IL20RA: variants seen among roughly 807,000 people sequenced by gnomAD.
IL20RA encodes interleukin-20 receptor subunit alpha.
In IL20RA, 29 loss-of-function variants were observed where a neutral mutation model predicts 36.5. That is an observed-to-expected ratio of 0.79 (90% CI 0.59 to 1.08). IL20RA has a LOEUF of 1.08. Among genes scored for constraint, IL20RA ranks in the 50% least tolerant of loss-of-function variants. The probability of loss-of-function intolerance (pLI) is 0.00; values close to 1 mark genes in which losing one functional copy is unlikely to be tolerated. For synonymous variants in IL20RA, 279 were observed against 267.1 expected (o/e 1.04, Z -0.43); for missense variants, 652 against 668.4 (o/e 0.98, Z 0.27).
Position 137,033,339 on chromosome 6 carries a change from T to TA in IL20RA, c.88+11301dup, listed in dbSNP as rs552238088. On this transcript the variant is annotated intron_variant, in intron 1 of 6. Transcript: ENST00000316649. Reference sequence around the variant, plus strand: ...CTGGGATGATTTCATCATGAAATCTTATATAGTTTGGATATGTGTCCTTGC... The same window carrying TA: ...CTGGGATGATTTCATCATGAAATCTTAATATAGTTTGGATATGTGTCCTTGC... Among the ~76,000 whole-genome samples, 131 of 152,336 alleles carry TA rather than the reference T, an allele frequency of 8.6e-4. 3 individuals carry two copies. The highest frequency in any genetic ancestry group is 8.1e-3 in the Admixed American group (124 of 15,294).
intron 6 of IL20RA, among the ~76,000 whole-genome samples, chr6:137,004,174 T>TTTTTTG (rs1775190219): frequency 1.6e-5 from 2 of 124,450 alleles, no homozygotes; most frequent in African/African-American, 3.1e-5. Context: ...TTTTTTTTTT[T>TTTTTTG]TTTTTTTTTT....
intron 2 of IL20RA, 132 bp from the exon 3 acceptor site, chr6:137,011,584 A>G: frequency 1.7e-6 from 1 of 576,342 alleles, no homozygotes. Context: ...TGTCATTGAG[A>G]TAAAAAAGAA....
At chr6:137,034,711 C>CG (rs1345276573) in intron 1 of IL20RA, among the ~76,000 whole-genome samples, 1 of 151,898 alleles carries the variant, frequency 6.6e-6, no homozygotes, top group African/African-American at 2.4e-5. Flanking sequence ...GAGGCCAAGG[C>CG]GGGCAGATCA....
chr6:137,007,003 C>T lies in IL20RA; in HGVS notation c.724+1596G>A, dbSNP rs560141370. On this transcript the variant is annotated intron_variant, in intron 5 of 6. Transcript: ENST00000316649. ...CCTCCCAAAGTGCTGTTATTATAGG[C>T]GTGATCCATTGCACTTGGCCACTTT... Among the ~76,000 whole-genome samples the T allele has an allele frequency of 1.8e-4, 28 of 152,266 alleles. No homozygotes were observed. The South Asian group carries it at 5.2e-3, about 28-fold the overall frequency.
rs746605298 is a variant in IL20RA, at chr6:137,002,365, GAA to G, written c.865-12_865-11del. ...TTCCATAAATCAAAATCTATAAAGA[GAA>G]AAGAGAATGATTTTCACCTTTTCAC... On this transcript the variant is annotated splice_polypyrimidine_tract_variant and intron_variant, in intron 6 of 6. Coordinates refer to ENST00000316649, the MANE Select transcript of IL20RA (RefSeq NM_014432.4). The G allele has an allele frequency of 5.2e-6, 8 of 1,534,996 alleles. No homozygotes were observed. The Middle Eastern group carries it at 1.4e-3, about 262-fold the overall frequency.
intron 6 of IL20RA, among the ~76,000 whole-genome samples, chr6:137,003,517 T>A (rs1158769193): frequency 6.6e-6 from 1 of 152,198 alleles, no homozygotes; most frequent in East Asian, 1.9e-4. Flanking sequence ...TATCCCACTC[T>A]CGCCTGTTAG....
chr6:137,023,029 T>A (rs1319266611), intron 1 of IL20RA, among the ~76,000 whole-genome samples: 1 of 152,220 alleles, frequency 6.6e-6, no homozygotes. Context: ...ATGGCAGCCC[T>A]TGAATACTAA....
intron 1 of IL20RA, 112 bp from the exon 2 acceptor site, chr6:137,017,215 G>T (rs451371): frequency 0.94 from 678,910 of 723,554 alleles, 329,014 homozygotes; most frequent in East Asian, 1. Flanking sequence ...CAGTATGCAT[G>T]CCCTATGTAA....
At chr6:137,008,794 A>G (rs757937867) in intron 4 of IL20RA, 51 bp from the exon 5 acceptor site, 1 of 1,387,066 alleles carries the variant, frequency 7.2e-7, no homozygotes, top group South Asian at 1.6e-5. Context: ...TTCTGGGACC[A>G]CCCCAGACAA....
rs765880720 is a variant in IL20RA, at chr6:137,009,357, T to G, written c.539A>C (p.Lys180Thr). The G allele has an allele frequency of 6.8e-6, 11 of 1,613,656 alleles. No homozygotes were observed. Among genetic ancestry groups the G allele is most frequent in the Middle Eastern group, 1.6e-4 (1 of 6,084 alleles). ...VSMQQIYSNL[K>T]YNVSVLNTKS... ...AGTATTCAACACAGACACGTTATAC[T>G]TCAGATTGGAGTATATTTGTTGCAT... Residue 180 changes from lysine to threonine, a missense_variant, in exon 4 of 7, where the codon AAG (lysine) becomes ACG (threonine). By Grantham distance (78) the Lys-to-Thr change is moderately conservative. Coordinates refer to ENST00000316649, the MANE Select transcript of IL20RA (RefSeq NM_014432.4).
At chr6:137,023,066 A>C (rs145875422) in intron 1 of IL20RA, among the ~76,000 whole-genome samples, 12 of 152,228 alleles carry the variant, frequency 7.9e-5, no homozygotes, top group African/African-American at 2.4e-4. Flanking sequence ...TGGATATCTT[A>C]TGGTGAATAG....
intron 1 of IL20RA, among the ~76,000 whole-genome samples, chr6:137,024,662 C>T (rs1041388766): frequency 2.0e-5 from 3 of 152,150 alleles, no homozygotes; most frequent in African/African-American, 4.8e-5. Flanking sequence ...TTGAACCTAC[C>T]CTGTTTTTTC....
At position 137,038,300 on chromosome 6, in the gene IL20RA, C is replaced by T. The variant is rs564495254; in HGVS notation, c.88+6341G>A. ...GTGCGATCATAGCTCACTGCAGCCCCAAACTCCTGGGCTCAAGTGATCCTC... is the reference window on the plus strand; with the variant it reads ...GTGCGATCATAGCTCACTGCAGCCCTAAACTCCTGGGCTCAAGTGATCCTC... On this transcript the variant is annotated intron_variant, in intron 1 of 6. Coordinates refer to ENST00000316649, the MANE Select transcript of IL20RA (RefSeq NM_014432.4). Among the ~76,000 whole-genome samples the T allele has an allele frequency of 9.4e-4, 138 of 146,720 alleles. 1 individual carries two copies. The highest frequency in any genetic ancestry group is 6.3e-3 in the South Asian group (28 of 4,472).
Position 137,001,674 on chromosome 6 carries a change from C to T in IL20RA, c.1546G>A (p.Gly516Ser). 6.2e-7 allele frequency: 1 copy of T among 1,614,104 alleles called. No homozygotes were observed. Among genetic ancestry groups the T allele is most frequent in the Non-Finnish European group, 8.5e-7 (1 of 1,180,000 alleles). Reference sequence around the variant, plus strand: ...TCCTCATAGAGTCTAGATAGAAGACCCTCCTCTCCGAGCCCATCCCCCTCA... The same window carrying T: ...TCCTCATAGAGTCTAGATAGAAGACTCTCCTCTCCGAGCCCATCCCCCTCA... ...PSEGDGLGEE[G>S]LLSRLYEEPA... The change falls in exon 7 of 7, where the codon GGT becomes AGT. Residue 516 changes from glycine to serine, a missense_variant. Coordinates refer to ENST00000316649, the MANE Select transcript of IL20RA (RefSeq NM_014432.4).
intron 1 of IL20RA, among the ~76,000 whole-genome samples, chr6:137,030,551 TC>T (rs1562240510): frequency 6.6e-6 from 1 of 152,178 alleles, no homozygotes; most frequent in Non-Finnish European, 1.5e-5. Context: ...AGACCACATG[TC>T]CCCATCATCA....
At chr6:137,018,934 TA>T (rs1287734220) in intron 1 of IL20RA, among the ~76,000 whole-genome samples, 6 of 152,164 alleles carry the variant, frequency 3.9e-5, no homozygotes, top group African/African-American at 1.4e-4. Context: ...GACTGTGCAT[TA>T]TAATATCACT....
intron 6 of IL20RA, among the ~76,000 whole-genome samples, chr6:137,004,221 G>A (rs1024901514): frequency 6.8e-5 from 9 of 132,314 alleles, no homozygotes; most frequent in African/African-American, 2.7e-4. Context: ...TGTCACCCAG[G>A]CTGGAGTGTA....
chr6:137,002,466 C>A, intron 6 of IL20RA, 111 bp from the exon 7 acceptor site: 1 of 689,840 alleles, frequency 1.4e-6, no homozygotes, highest in Non-Finnish European at 2.4e-6. Flanking sequence ...CTACTCTTAC[C>A]AACTCATGTA....
chr6:137,035,145 A>G (rs781717675), intron 1 of IL20RA, among the ~76,000 whole-genome samples: 3 of 152,128 alleles, frequency 2.0e-5, no homozygotes, highest in African/African-American at 4.8e-5. Flanking sequence ...TGAATTATAA[A>G]TATTTTATAT....
Sources: gnomAD v4.1 joint callset for allele counts (sites outside exome capture counted in the v4.1 genomes callset) on GRCh38, gnomAD v4.1.1 for gene constraint, MANE v1.5 for transcripts, NCBI Gene and HGNC (gene_info 2026-07-23, HGNC 2026-07-21) for gene names.